PAFAH1B1: variants seen among roughly 807,000 people sequenced by gnomAD.
The protein encoded by PAFAH1B1 is platelet activating factor acetylhydrolase 1b regulatory subunit 1, also known as platelet-activating factor acetylhydrolase IB subunit beta.
PAFAH1B1 carries 2 observed loss-of-function variants against 57.5 expected under a neutral mutation model. The observed-to-expected ratio is 0.03, with a 90% CI of 0.01 to 0.11. The LOEUF is 0.11. Among genes scored for constraint, PAFAH1B1 ranks in the 10% least tolerant of loss-of-function variants. PAFAH1B1 has a pLI of 1.00. For missense variants in PAFAH1B1, 257 were observed against 512.0 expected, an observed-to-expected ratio of 0.50 and a Z score of 4.81; for synonymous variants, 152 against 169.6, an observed-to-expected ratio of 0.90 and a Z score of 0.81.
At chr17:2,675,783 G>A (rs2069255103) in intron 8 of PAFAH1B1, among the ~76,000 whole-genome samples, 1 of 152,084 alleles carries the variant, frequency 6.6e-6, no homozygotes, top group Non-Finnish European at 1.5e-5. Context: ...CAAAGCTGCA[G>A]TGAGCTATGA....
rs1010865940 is a variant in PAFAH1B1, at chr17:2,682,553, A to G, written c.*751A>G. 3 of 152,732 alleles carry G rather than the reference A, an allele frequency of 2.0e-5. No homozygotes were observed. The highest frequency in any genetic ancestry group is 4.4e-5 in the Non-Finnish European group (3 of 68,034). 9.5% of individuals were successfully genotyped at this position (152,732 alleles called of 1,614,324 possible). On this transcript the variant is annotated 3_prime_UTR_variant, in exon 11 of 11. Transcript: ENST00000397195. ...AAATACTGTCATACTCTAAGCTTCT[A>G]TTTTCCACACTGGACATACTTCTAG...
intron 1 of PAFAH1B1, among the ~76,000 whole-genome samples, chr17:2,628,077 C>T (rs1156880127): frequency 6.6e-6 from 1 of 152,140 alleles, no homozygotes; most frequent in Non-Finnish European, 1.5e-5. Flanking sequence ...ATTTCTTTCT[C>T]TTGTCTGATT....
intron 2 of PAFAH1B1, among the ~76,000 whole-genome samples, chr17:2,653,275 T>TGAGGGGA (rs2068890903): frequency 6.6e-6 from 1 of 151,632 alleles, no homozygotes; most frequent in African/African-American, 2.4e-5. Context: ...TGTCGTGAGG[T>TGAGGGGA]GAGGGGAGAG....
rs2069449720 is a variant in PAFAH1B1, at chr17:2,684,825, AC to A, written c.*3025del. ...CTTTGGAAGCTTTGGCTTTAGATTTACCAAGCCCCGCCTCCCCGCTGCCAGT... is the reference window on the plus strand; with the variant it reads ...CTTTGGAAGCTTTGGCTTTAGATTTACAAGCCCCGCCTCCCCGCTGCCAGT... On this transcript the variant is annotated 3_prime_UTR_variant, in exon 11 of 11. Coordinates refer to ENST00000397195, the MANE Select transcript of PAFAH1B1 (RefSeq NM_000430.4). The A allele has an allele frequency of 6.6e-6, 1 of 152,398 alleles. No homozygotes were observed. The highest frequency in any genetic ancestry group is 2.1e-4 in the South Asian group (1 of 4,816). 9.4% of individuals were successfully genotyped at this position (152,398 alleles called of 1,614,324 possible).
chr17:2,599,699 G>A (rs955597500), intron 1 of PAFAH1B1, among the ~76,000 whole-genome samples: 4 of 151,908 alleles, frequency 2.6e-5, no homozygotes, highest in East Asian at 1.9e-4. Context: ...ATTCTCTGAG[G>A]GAACAGGGTT....
At chr17:2,606,242 GCTTCATGTGTGTAGGACTTACC>G (rs767366353) in intron 1 of PAFAH1B1, among the ~76,000 whole-genome samples, 13 of 152,116 alleles carry the variant, frequency 8.5e-5, no homozygotes, top group Admixed American at 8.5e-4. Flanking sequence ...TCACAGGAGG[GCTTCATGTGTGTAGGACTTACC>G]CTTCAGGGCT....
intron 1 of PAFAH1B1, among the ~76,000 whole-genome samples, chr17:2,623,267 T>G (rs866397913): frequency 4.0e-3 from 585 of 145,008 alleles, no homozygotes; most frequent in African/African-American, 0.013. Flanking sequence ...CTTTCTTTTT[T>G]TTTTTTTTTT....
intron 4 of PAFAH1B1, among the ~76,000 whole-genome samples, 164 bp downstream of exon 4, chr17:2,666,254 A>T (rs995911753): frequency 1.3e-5 from 2 of 152,198 alleles, no homozygotes; most frequent in Admixed American, 1.3e-4. Flanking sequence ...ATATTATTGC[A>T]GATACATGGT....
chr17:2,681,662 G>C, intron 10 of PAFAH1B1, 67 bp from the exon 11 acceptor site: 1 of 1,190,680 alleles, frequency 8.4e-7, no homozygotes, highest in Non-Finnish European at 1.2e-6. Context: ...GTAGAGAGGG[G>C]GTCTCACTAT....
At chr17:2,645,183 G>A (rs1347676023) in intron 2 of PAFAH1B1, among the ~76,000 whole-genome samples, 2 of 152,114 alleles carry the variant, frequency 1.3e-5, no homozygotes, top group African/African-American at 4.8e-5. Context: ...GGAGATTGAG[G>A]CTGCAGTGAG....
intron 1 of PAFAH1B1, among the ~76,000 whole-genome samples, chr17:2,622,017 T>C (rs2068431533): frequency 6.6e-6 from 1 of 152,086 alleles, no homozygotes; most frequent in Admixed American, 6.6e-5. Context: ...TCCCATCCGA[T>C]CTCGTGAGAC....
intron 2 of PAFAH1B1, among the ~76,000 whole-genome samples, chr17:2,654,429 C>A (rs913569084): frequency 6.6e-6 from 1 of 151,958 alleles, no homozygotes; most frequent in Non-Finnish European, 1.5e-5. Flanking sequence ...CCCGCCTCAG[C>A]CTCTCAAAGT....
intron 2 of PAFAH1B1, among the ~76,000 whole-genome samples, chr17:2,654,890 C>T (rs1567549186): frequency 6.6e-6 from 1 of 151,934 alleles, no homozygotes; most frequent in African/African-American, 2.4e-5. Context: ...AGTCTGCCTG[C>T]CTCAGCCTCT....
intron 1 of PAFAH1B1, among the ~76,000 whole-genome samples, chr17:2,597,227 AATT>A (rs1190906849): frequency 6.6e-6 from 1 of 152,084 alleles, no homozygotes; most frequent in African/African-American, 2.4e-5. Context: ...TAATTTTTAA[AATT>A]ATTCATAGTT....
rs2069421743 is a variant in PAFAH1B1 at position 2,683,739 on chromosome 17, T to C, written c.*1937T>C. On this transcript the variant is annotated 3_prime_UTR_variant, in exon 11 of 11. Transcript: ENST00000397195. ...TCACAACCCTGCTTACATTGAAAAGTCTTTTTCCCTTAGCTCTTCTGACTG... is the reference window on the plus strand; with the variant it reads ...TCACAACCCTGCTTACATTGAAAAGCCTTTTTCCCTTAGCTCTTCTGACTG... The C allele has an allele frequency of 6.6e-6, 1 of 152,652 alleles. No homozygotes were observed. Among genetic ancestry groups the C allele is most frequent in the Non-Finnish European group, 1.5e-5 (1 of 68,042 alleles). 9.5% of individuals were successfully genotyped at this position (152,652 alleles called of 1,614,324 possible). A position where few individuals can be genotyped will look rare whatever the true frequency, so the allele number is the denominator to read the frequency against.
intron 1 of PAFAH1B1, among the ~76,000 whole-genome samples, chr17:2,635,002 A>C (rs1470456382): frequency 3.3e-5 from 5 of 152,084 alleles, no homozygotes; most frequent in Non-Finnish European, 7.4e-5. Context: ...GTCTTTACTA[A>C]AAATACAAAA....
At chr17:2,611,341 G>A (rs771620360) in intron 1 of PAFAH1B1, among the ~76,000 whole-genome samples, 4 of 151,844 alleles carry the variant, frequency 2.6e-5, no homozygotes, top group East Asian at 1.9e-4. Flanking sequence ...GGTTGTGTGC[G>A]CCTGTAGTCC....
intron 1 of PAFAH1B1, among the ~76,000 whole-genome samples, chr17:2,630,329 G>A (rs8077856): frequency 6.6e-6 from 1 of 151,950 alleles, no homozygotes; most frequent in Non-Finnish European, 1.5e-5. Flanking sequence ...CTCAGCATTT[G>A]TTTGTCTGAA....
intron 1 of PAFAH1B1, among the ~76,000 whole-genome samples, chr17:2,634,991 C>T (rs560626972): frequency 9.9e-5 from 15 of 151,952 alleles, no homozygotes; most frequent in African/African-American, 3.4e-4. Context: ...GGTGAAACCC[C>T]GTCTTTACTA....
Sources: gnomAD v4.1 joint callset for allele counts (sites outside exome capture counted in the v4.1 genomes callset) on GRCh38, gnomAD v4.1.1 for gene constraint, MANE v1.5 for transcripts, NCBI Gene and HGNC (gene_info 2026-07-23, HGNC 2026-07-21) for gene names.